CERS6: variants seen among roughly 807,000 people sequenced by gnomAD.
The protein encoded by CERS6 is LAG1 homolog, ceramide synthase 6.
CERS6 carries 26 observed loss-of-function variants against 56.8 expected under a neutral mutation model. That is an observed-to-expected ratio of 0.46 (90% confidence interval 0.34 to 0.63). CERS6 has a LOEUF of 0.63. Among genes scored for constraint, CERS6 ranks in the 30% least tolerant of loss-of-function variants. The pLI is 0.01. For synonymous variants in CERS6, 164 were observed against 173.3 expected (o/e 0.95, Z 0.42); for missense variants, 415 against 467.5 (o/e 0.89, Z 1.04).
Position 168,561,195 on chromosome 2 carries a change from C to A in CERS6, c.280C>A (p.Pro94Thr). Residue 94 changes from proline (P) to threonine (T), a missense_variant, in exon 3 of 10, where the codon CCT becomes ACT. Pro to Thr is a conservative substitution (Grantham distance 38, BLOSUM62 -1). Transcript: ENST00000305747. Reference protein sequence around the residue: ...EKVFTAITKHPDEKRLEGLSK... With the variant: ...EKVFTAITKHTDEKRLEGLSK... ...TTTCTGGTACCTTGTTTCATAGCATCCTGATGAAAAGAGATTGGAAGGCCT... is the reference window on the plus strand; with the variant it reads ...TTTCTGGTACCTTGTTTCATAGCATACTGATGAAAAGAGATTGGAAGGCCT... 1 of 1,613,608 alleles carries A rather than the reference C, an allele frequency of 6.2e-7. No individual in the cohort carries two copies. The highest frequency in any genetic ancestry group is 8.5e-7 in the Non-Finnish European group (1 of 1,179,670).
intron 4 of CERS6, among the ~76,000 whole-genome samples, chr2:168,645,158 G>C (rs865829017): frequency 2.8e-5 from 3 of 106,624 alleles, no homozygotes; most frequent in African/African-American, 7.6e-5. Context: ...GAGAGAGAGA[G>C]AGAGAGAGAG....
chr2:168,697,300 T>G (rs1203296413), intron 6 of CERS6, among the ~76,000 whole-genome samples: 1 of 152,194 alleles, frequency 6.6e-6, no homozygotes, highest in Non-Finnish European at 1.5e-5. Flanking sequence ...CCTTACTCAT[T>G]GCACCCAACA....
intron 3 of CERS6, among the ~76,000 whole-genome samples, chr2:168,598,858 T>C (rs985230968): frequency 6.6e-6 from 1 of 152,212 alleles, no homozygotes; most frequent in Non-Finnish European, 1.5e-5. Flanking sequence ...AGAGTAGGTA[T>C]AGAAGAATCT....
chr2:168,719,693 C>A (rs1197894341), intron 8 of CERS6, among the ~76,000 whole-genome samples: 1 of 152,178 alleles, frequency 6.6e-6, no homozygotes, highest in Non-Finnish European at 1.5e-5. Flanking sequence ...GTTATATCAG[C>A]AATCCATGGT....
rs1553503146 is a variant in CERS6 at position 168,645,116 on chromosome 2, A to AAATAT, written c.465+14075_465+14076insATATA. Among the ~76,000 whole-genome samples the AAATAT allele has an allele frequency of 4.2e-3, 79 of 19,020 alleles. 21 individuals carry two copies. The highest frequency in any genetic ancestry group is 0.016 in the South Asian group (4 of 258). The allele number at this position is 19,020 out of a possible 152,430, so 12.5% of individuals were successfully genotyped here. A position where few individuals can be genotyped will look rare whatever the true frequency, so the allele number is the denominator to read the frequency against. The stretch of plus-strand genomic sequence containing the variant: ...AAAAAAAAAAAAAAAAAAAAAAAAA[A>AAATAT]ATATATATATATATATATATATATA... On this transcript the variant is annotated intron_variant, in intron 4 of 9. Transcript: ENST00000305747.
At chr2:168,622,197 AAAG>A (rs894805161) in intron 3 of CERS6, among the ~76,000 whole-genome samples, 28 of 152,338 alleles carry the variant, frequency 1.8e-4, no homozygotes, top group Middle Eastern at 3.4e-3. Flanking sequence ...GGCCACACTG[AAAG>A]AAGAAGAATT....
At chr2:168,685,124 G>T (rs532278728) in intron 4 of CERS6, among the ~76,000 whole-genome samples, 1 of 152,264 alleles carries the variant, frequency 6.6e-6, no homozygotes, top group South Asian at 2.1e-4. Flanking sequence ...CATCAGCTGG[G>T]CTTTGTGAAA....
chr2:168,510,658 A>T (rs1461494220), intron 1 of CERS6, among the ~76,000 whole-genome samples: 2 of 152,140 alleles, frequency 1.3e-5, no homozygotes, highest in Non-Finnish European at 2.9e-5. Context: ...AAGAGCTATG[A>T]TTACATTTCC....
intron 3 of CERS6, among the ~76,000 whole-genome samples, chr2:168,621,036 C>G (rs531691570): frequency 4.6e-5 from 7 of 152,228 alleles, no homozygotes; most frequent in African/African-American, 1.7e-4. Flanking sequence ...TTCTTAAAAT[C>G]AAATGTACAT....
At chr2:168,632,594 C>A (rs1201897473) in intron 4 of CERS6, among the ~76,000 whole-genome samples, 1 of 152,168 alleles carries the variant, frequency 6.6e-6, no homozygotes, top group African/African-American at 2.4e-5. Context: ...AAATTCTCAA[C>A]TGGAGTAAAT....
At chr2:168,698,255 G>GAAAAAAAAAAAAAAAAAAAAAA (rs869056813) in intron 6 of CERS6, among the ~76,000 whole-genome samples, 5 of 17,964 alleles carry the variant, frequency 2.8e-4, no homozygotes, top group Admixed American at 8.8e-4. Flanking sequence ...AAAAAAAAAA[G>GAAAAAAAAAAAAAAAAAAAAAA]AAAAAAAAAA....
At chr2:168,726,420 C>A (rs187523852) in intron 8 of CERS6, among the ~76,000 whole-genome samples, 107 of 152,264 alleles carry the variant, frequency 7.0e-4, no homozygotes, top group Admixed American at 6.7e-3. Context: ...AAAATGATTG[C>A]CTCTGTCGTT....
At chr2:168,518,413 TAAG>T (rs1268756181) in intron 1 of CERS6, among the ~76,000 whole-genome samples, 3 of 152,218 alleles carry the variant, frequency 2.0e-5, no homozygotes, top group Non-Finnish European at 2.9e-5. Flanking sequence ...TGCCTATGTG[TAAG>T]AAATGATTCT....
At chr2:168,522,160 T>C (rs1440438107) in intron 1 of CERS6, among the ~76,000 whole-genome samples, 1 of 152,194 alleles carries the variant, frequency 6.6e-6, no homozygotes, top group Non-Finnish European at 1.5e-5. Context: ...AGCATTGGTC[T>C]TGAATACTCA....
intron 4 of CERS6, among the ~76,000 whole-genome samples, chr2:168,638,189 T>G (rs1401814874): frequency 6.6e-6 from 1 of 152,180 alleles, no homozygotes; most frequent in Non-Finnish European, 1.5e-5. Context: ...TTGGTAGTTT[T>G]GGATCTCATC....
chr2:168,515,693 G>A (rs1410011827), intron 1 of CERS6, among the ~76,000 whole-genome samples: 1 of 152,196 alleles, frequency 6.6e-6, no homozygotes, highest in Non-Finnish European at 1.5e-5. Flanking sequence ...GAAGGAATGC[G>A]GTATTTTAGA....
chr2:168,576,484 A>G (rs1574075989), intron 3 of CERS6, among the ~76,000 whole-genome samples: 1 of 152,298 alleles, frequency 6.6e-6, no homozygotes. Flanking sequence ...AATTCTCCCC[A>G]TTATCTTCCC....
In CERS6 at chr2:168,663,470, A is replaced by T. The variant is rs147790939; in HGVS notation, c.466-27564A>T. On this transcript the variant is annotated intron_variant, in intron 4 of 9. Transcript: ENST00000305747. ...ACTATGTTGCCCAGGTTGGTCTTGA[A>T]CTCCTGGCCTCAAGTGATCCTCTTG... Among the ~76,000 whole-genome samples the T allele has an allele frequency of 3.3e-3, 505 of 151,976 alleles. 5 individuals are homozygous for T. Among genetic ancestry groups the T allele is most frequent in the African/African-American group, 0.012 (493 of 41,464 alleles).
At chr2:168,623,450 A>G (rs1415251340) in intron 3 of CERS6, among the ~76,000 whole-genome samples, 1 of 149,454 alleles carries the variant, frequency 6.7e-6, no homozygotes, top group East Asian at 1.9e-4. Flanking sequence ...TTTCTCTTTC[A>G]GTTATACCTC....
Sources: allele counts gnomAD v4.1 joint callset (sites outside exome capture counted in the v4.1 genomes callset), GRCh38; gene constraint gnomAD v4.1.1; transcripts MANE v1.5; gene names NCBI Gene and HGNC (gene_info 2026-07-23, HGNC 2026-07-21).